LCMT1: variants seen among roughly 807,000 people sequenced by gnomAD.
The protein encoded by LCMT1 is leucine carboxyl methyltransferase 1.
A neutral mutation model predicts 47.7 loss-of-function variants in LCMT1; 32 were observed. The ratio of observed to expected loss-of-function variants is 0.67; its 90% CI spans 0.51 to 0.90. The LOEUF (loss-of-function observed/expected upper bound fraction) is 0.90, where lower values mean the gene tolerates loss of function less well. Ranked by LOEUF, LCMT1 falls within the 40% of genes least tolerant of loss-of-function variation. The pLI is 0.00. For synonymous variants in LCMT1, 152 were observed against 149.7 expected (o/e 1.02, Z -0.11); for missense variants, 375 against 415.2 (o/e 0.90, Z 0.84).
intron 7 of LCMT1, among the ~76,000 whole-genome samples, chr16:25,164,980 G>T (rs989951253): frequency 6.6e-6 from 1 of 152,190 alleles, no homozygotes; most frequent in Non-Finnish European, 1.5e-5. Context: ...GTACCATGGA[G>T]TCATAGAACA....
intron 4 of LCMT1, chr16:25,142,874 G>C (rs1960735751): frequency 1.3e-5 from 2 of 152,206 alleles, no homozygotes. Context: ...GGGCCATCTG[G>C]GCGAGTCTGG....
intron 1 of LCMT1, among the ~76,000 whole-genome samples, chr16:25,120,735 TTTTG>T (rs1959951236): frequency 6.8e-6 from 1 of 148,112 alleles, no homozygotes; most frequent in African/African-American, 2.5e-5. Context: ...GGCCTTGTTT[TTTTG>T]TTTTTTTTTT....
chr16:25,153,626 C>T (rs1271785454), intron 5 of LCMT1, among the ~76,000 whole-genome samples: 2 of 152,192 alleles, frequency 1.3e-5, no homozygotes, highest in Non-Finnish European at 2.9e-5. Context: ...ACCATAACAC[C>T]CTAACACTGG....
chr16:25,150,218 G>A (rs889410952), intron 4 of LCMT1, among the ~76,000 whole-genome samples: 11 of 92,572 alleles, frequency 1.2e-4, no homozygotes, highest in Admixed American at 5.1e-4. Context: ...TGCAGATAAG[G>A]AAACTGAGGC....
intron 5 of LCMT1, among the ~76,000 whole-genome samples, chr16:25,157,767 A>G (rs1390463202): frequency 2.0e-5 from 3 of 152,172 alleles, no homozygotes; most frequent in African/African-American, 7.2e-5. Context: ...ACCTGCCTGG[A>G]TTTAATCACT....
chr16:25,118,393 C>T lies in LCMT1; in HGVS notation c.113+6397C>T, dbSNP rs138146288. On this transcript the variant is annotated intron_variant, in intron 1 of 10. Coordinates refer to ENST00000399069, the MANE Select transcript of LCMT1 (RefSeq NM_016309.3). ...TTGCCTGCTTAGTTCCACATTATCT[C>T]CTAGGTGAGTGCATTCACTCCACAT... is the stretch of plus-strand genomic sequence containing the variant. Among the ~76,000 whole-genome samples, 11 of 152,228 alleles carry T rather than the reference C, an allele frequency of 7.2e-5. No individual in the cohort carries two copies. In the East Asian group the frequency reaches 1.4e-3, roughly 19 times the overall value.
intron 4 of LCMT1, 41 bp downstream of exon 4, chr16:25,140,288 T>C (rs1328227649): frequency 7.0e-7 from 1 of 1,425,436 alleles, no homozygotes; most frequent in Admixed American, 1.9e-5. Flanking sequence ...CCAGCGAGAA[T>C]TCAGATCCAG....
chr16:25,169,311 C>G (rs1171290486), intron 8 of LCMT1, 98 bp downstream of exon 8: 1 of 777,508 alleles, frequency 1.3e-6, no homozygotes, highest in Non-Finnish European at 2.2e-6. Context: ...AAGCCCTGTT[C>G]AGTGCCTGTC....
At chr16:25,130,535 C>A (rs1013317704) in intron 2 of LCMT1, among the ~76,000 whole-genome samples, 1 of 152,028 alleles carries the variant, frequency 6.6e-6, no homozygotes, top group African/African-American at 2.4e-5. Context: ...CCTGTAGTCC[C>A]AGCTACTTGG....
chr16:25,174,694 T>G (rs1020923261), intron 9 of LCMT1: 12 of 253,478 alleles, frequency 4.7e-5, no homozygotes, highest in South Asian at 9.7e-5. Flanking sequence ...ACTCAGCCCT[T>G]TGCCACTTGA....
At position 25,153,719 on chromosome 16, in the gene LCMT1, G is replaced by A. The variant is rs867532181; in HGVS notation, c.466+2104G>A. Among the ~76,000 whole-genome samples, 6 of 152,208 alleles carry A rather than the reference G, an allele frequency of 3.9e-5. No homozygotes were observed. The South Asian group carries it at 8.3e-4, about 21-fold the overall frequency. On this transcript the variant is annotated intron_variant, in intron 5 of 10. Transcript: ENST00000399069. Reference sequence around the variant, plus strand: ...TGTAATCCCAGCATTTTGGGAGGCCGAGGCGGGTGGATCACCTGAGGTCAG... The same window carrying A: ...TGTAATCCCAGCATTTTGGGAGGCCAAGGCGGGTGGATCACCTGAGGTCAG...
At chr16:25,174,516 C>G (rs972667250) in intron 9 of LCMT1, among the ~76,000 whole-genome samples, 7 of 152,092 alleles carry the variant, frequency 4.6e-5, no homozygotes, top group Admixed American at 1.3e-4. Flanking sequence ...ATATATATGT[C>G]TTGGAGGTTA....
In LCMT1 at chr16:25,170,741, G is replaced by A. The variant is rs774194858; in HGVS notation, c.820G>A (p.Glu274Lys). ...QKERLLSNGW[E>K]TASAVDMMEL... ...AGAACGGCTCCTGTCGAATGGGTGG[G>A]AAACAGCATCGGCCGTCGACATGAT... The change falls in exon 9 of 11, where the codon GAA becomes AAA. Residue 274 changes from glutamate (E) to lysine (K), a missense_variant. By Grantham distance (56) the Glu-to-Lys change is moderately conservative. Transcript: ENST00000399069. 3 of 1,613,464 alleles carry A rather than the reference G, an allele frequency of 1.9e-6. No homozygotes were observed. The South Asian group carries it at 3.3e-5, about 18-fold the overall frequency.
chr16:25,136,090 CAAA>C (rs36051960), intron 3 of LCMT1, among the ~76,000 whole-genome samples: 14 of 69,162 alleles, frequency 2.0e-4, no homozygotes, highest in African/African-American at 3.5e-4. Flanking sequence ...GATGCTGTCT[CAAA>C]AAAAAAAAAA....
intron 9 of LCMT1, among the ~76,000 whole-genome samples, chr16:25,171,275 G>A (rs1046954358): frequency 2.0e-5 from 3 of 151,926 alleles, no homozygotes; most frequent in Non-Finnish European, 2.9e-5. Flanking sequence ...TTAGCCGGGT[G>A]TGGTGGCACA....
intron 5 of LCMT1, among the ~76,000 whole-genome samples, chr16:25,152,764 T>G (rs1961121232): frequency 6.6e-6 from 1 of 152,202 alleles, no homozygotes; most frequent in African/African-American, 2.4e-5. Flanking sequence ...TATCTTACAC[T>G]TGATCTGCTT....
intron 1 of LCMT1, among the ~76,000 whole-genome samples, chr16:25,120,809 A>G (rs1469120278): frequency 1.5e-5 from 2 of 135,568 alleles, no homozygotes; most frequent in Admixed American, 8.0e-5. Context: ...GGGCAGTGGT[A>G]TATTCACAGC....
At chr16:25,118,321 C>G (rs886384030) in intron 1 of LCMT1, among the ~76,000 whole-genome samples, 2 of 152,032 alleles carry the variant, frequency 1.3e-5, no homozygotes, top group African/African-American at 4.8e-5. Context: ...CCTCGGGGCC[C>G]TGGAGCATGC....
intron 3 of LCMT1, among the ~76,000 whole-genome samples, chr16:25,134,186 A>T (rs1053655426): frequency 1.3e-5 from 2 of 151,940 alleles, no homozygotes; most frequent in Non-Finnish European, 2.9e-5. Context: ...AGACCCACTT[A>T]TCTGTTTTGT....
Sources: gnomAD v4.1 joint callset for allele counts (sites outside exome capture counted in the v4.1 genomes callset) on GRCh38, gnomAD v4.1.1 for gene constraint, MANE v1.5 for transcripts, NCBI Gene and HGNC (gene_info 2026-07-23, HGNC 2026-07-21) for gene names.